KCNQ1: variants seen among roughly 807,000 people sequenced by gnomAD.
KCNQ1 encodes potassium voltage-gated channel subfamily Q member 1.
KCNQ1 carries 49 observed loss-of-function variants against 72.4 expected under a neutral mutation model. That is an observed-to-expected ratio of 0.68 (90% CI 0.54 to 0.86). KCNQ1 has a LOEUF of 0.86. KCNQ1 is among the 40% of genes least tolerant of loss of function. The pLI is 0.00. For missense variants in KCNQ1, 790 were observed against 945.1 expected, an observed-to-expected ratio of 0.84 and a Z score of 2.15; for synonymous variants, 450 against 412.6, an observed-to-expected ratio of 1.09 and a Z score of -1.10.
intron 2 of KCNQ1, 39 bp from the exon 3 acceptor site, chr11:2,570,589 G>C (rs1368420390): frequency 6.2e-7 from 1 of 1,608,958 alleles, no homozygotes; most frequent in Admixed American, 1.7e-5. Context: ...ACTCAAGGCC[G>C]AGCCTGCCTG....
At chr11:2,650,681 T>G (rs1849743276) in intron 10 of KCNQ1, 1 of 398,672 alleles carries the variant, frequency 2.5e-6, no homozygotes, top group Non-Finnish European at 4.4e-6. Context: ...GCCTCTTCTC[T>G]GATTCTGTAT....
rs375688708 is a variant in KCNQ1, at chr11:2,817,396, A to ACCCCCAG, written c.1795-30368_1795-30362dup. Among the ~76,000 whole-genome samples the ACCCCCAG allele has an allele frequency of 3.5e-3, 531 of 151,712 alleles. 1 individual carries two copies. The highest frequency in any genetic ancestry group is 0.012 in the African/African-American group (501 of 41,314). Reference sequence around the variant, plus strand: ...AGGAGAATCACACCAGTGCCCCCTGACCCCCAGCCTTGTGCAGACACTGAT... The same window carrying ACCCCCAG: ...AGGAGAATCACACCAGTGCCCCCTGACCCCCAGCCCCCAGCCTTGTGCAGACACTGAT... On this transcript the variant is annotated intron_variant, in intron 15 of 15. Transcript: ENST00000155840. This position sits in a 1 kb window ranked among gnomAD's most constrained non-coding sequence, Gnocchi z 6.1.
chr11:2,789,637 C>T (rs539050572), intron 15 of KCNQ1, among the ~76,000 whole-genome samples: 25 of 152,318 alleles, frequency 1.6e-4, no homozygotes, highest in African/African-American at 5.3e-4. Context: ...GGGACAGCTG[C>T]GCTCCGGGAT....
chr11:2,518,406 G>C (rs1161513630), intron 1 of KCNQ1, among the ~76,000 whole-genome samples: 1 of 152,214 alleles, frequency 6.6e-6, no homozygotes, highest in African/African-American at 2.4e-5. Flanking sequence ...CCAGGGGAGT[G>C]GGCTGCAGTT....
chr11:2,462,185 T>TTGGGTTCTGGATTGGTGGGTGC lies in KCNQ1; in HGVS notation c.386+16707_386+16728dup. Reference sequence around the variant, plus strand: ...AGCCAGGGAGGAGCCTTCTGGTGGTTTGGGTTCTGGATTGGTGGGTGCTGG... The same window carrying TTGGGTTCTGGATTGGTGGGTGC: ...AGCCAGGGAGGAGCCTTCTGGTGGTTTGGGTTCTGGATTGGTGGGTGCTGGGTTCTGGATTGGTGGGTGCTGG... On this transcript the variant is annotated intron_variant, in intron 1 of 15. Transcript: ENST00000155840. The surrounding 1 kb of genome is among the most constrained non-coding windows in gnomAD (Gnocchi z 8.2). Among the ~76,000 whole-genome samples, 1 of 151,930 alleles carries TTGGGTTCTGGATTGGTGGGTGC rather than the reference T, an allele frequency of 6.6e-6. No individual in the cohort carries two copies. The highest frequency in any genetic ancestry group is 2.4e-5 in the African/African-American group (1 of 41,344).
intron 2 of KCNQ1, among the ~76,000 whole-genome samples, chr11:2,556,409 G>T (rs921749364): frequency 6.6e-6 from 1 of 152,100 alleles, no homozygotes; most frequent in Non-Finnish European, 1.5e-5. Context: ...TTAATCCAAG[G>T]GTCCGTAAAC....
chr11:2,613,015 T>G lies in KCNQ1; in HGVS notation c.1393+24161T>G, dbSNP rs369352207. The G allele has an allele frequency of 6.0e-5, 24 of 398,638 alleles. 1 individual carries two copies. The highest frequency in any genetic ancestry group is 1.6e-4 in the African/African-American group (8 of 48,750). The allele number at this position is 398,638 out of a possible 1,614,324, so 24.7% of individuals were successfully genotyped here. A position where few individuals can be genotyped will look rare whatever the true frequency, so the allele number is the denominator to read the frequency against. ...TCAGTTTTGTTTGTTTTAATTCTTA[T>G]GTTTGTTTTGTAAGCCTGGCTTCAT... On this transcript the variant is annotated intron_variant, in intron 10 of 15. Coordinates refer to ENST00000155840, the MANE Select transcript of KCNQ1 (RefSeq NM_000218.3). The surrounding 1 kb of genome is among the most constrained non-coding windows in gnomAD (Gnocchi z 4.8).
chr11:2,822,770 C>A (rs1847764476), intron 15 of KCNQ1, among the ~76,000 whole-genome samples: 1 of 152,076 alleles, frequency 6.6e-6, no homozygotes, highest in Non-Finnish European at 1.5e-5. Context: ...ACAGGGGGAG[C>A]CCCAAAGGAT....
Position 2,595,050 on chromosome 11 carries a change from A to G in KCNQ1, c.1393+6196A>G, listed in dbSNP as rs1368021047. On this transcript the variant is annotated intron_variant, in intron 10 of 15. Transcript: ENST00000155840. This position sits in a 1 kb window ranked among gnomAD's most constrained non-coding sequence, Gnocchi z 5.0. ...TTGTACAGGGTGACCCAGTGAACCA[A>G]TCCAGGACCTTCATGATCCATGTTT... Among the ~76,000 whole-genome samples, 1 of 152,212 alleles carries G rather than the reference A, an allele frequency of 6.6e-6. No individual in the cohort carries two copies. Among genetic ancestry groups the G allele is most frequent in the African/African-American group, 2.4e-5 (1 of 41,456 alleles).
In KCNQ1 at chr11:2,723,482, G is replaced by A. The variant is rs901420858; in HGVS notation, c.1515-45362G>A. On this transcript the variant is annotated intron_variant, in intron 11 of 15. Coordinates refer to ENST00000155840, the MANE Select transcript of KCNQ1 (RefSeq NM_000218.3). This position sits in a 1 kb window ranked among gnomAD's most constrained non-coding sequence, Gnocchi z 4.2. ...AGGTGGTACTTGGCAGCTGTGGCACGTGGAAGCCCTACACAGGCAGCCCCA... is the reference window on the plus strand; with the variant it reads ...AGGTGGTACTTGGCAGCTGTGGCACATGGAAGCCCTACACAGGCAGCCCCA... Among the ~76,000 whole-genome samples the A allele has an allele frequency of 3.3e-5, 5 of 152,200 alleles. No homozygotes were observed. The highest frequency in any genetic ancestry group is 9.6e-5 in the African/African-American group (4 of 41,466).
chr11:2,680,417 A>G lies in KCNQ1; in HGVS notation c.1514+18336A>G, dbSNP rs1326967128. On this transcript the variant is annotated intron_variant, in intron 11 of 15. Coordinates refer to ENST00000155840, the MANE Select transcript of KCNQ1 (RefSeq NM_000218.3). ...CTTCCATATTTTTTTAGATCTTTGT[A>G]TGGATTTTGGACATTCTAAAATTCA... The G allele has an allele frequency of 1.5e-5, 6 of 398,316 alleles. No individual in the cohort carries two copies. The East Asian group carries it at 2.1e-4, about 14-fold the overall frequency. The allele number at this position is 398,316 out of a possible 1,614,324, so 24.7% of individuals were successfully genotyped here. A position where few individuals can be genotyped will look rare whatever the true frequency, so the allele number is the denominator to read the frequency against.
intron 7 of KCNQ1, 47 bp downstream of exon 7, chr11:2,583,592 G>T (rs974514524): frequency 4.5e-6 from 6 of 1,339,526 alleles, no homozygotes; most frequent in Admixed American, 1.7e-5. Flanking sequence ...GGACAGCTGG[G>T]GTCCTGGGGT....
At position 2,579,820 on chromosome 11, in the gene KCNQ1, G is replaced by A. The variant is rs1001945361; in HGVS notation, c.922-3615G>A. On this transcript the variant is annotated intron_variant, in intron 6 of 15. Coordinates refer to ENST00000155840, the MANE Select transcript of KCNQ1 (RefSeq NM_000218.3). This position sits in a 1 kb window ranked among gnomAD's most constrained non-coding sequence, Gnocchi z 6.0. ...CGTGCACCCAGCTCAGCCCCAGGAG[G>A]TGACACCCCCACCCTCAGCAGCTCT... is the stretch of plus-strand genomic sequence containing the variant. Among the ~76,000 whole-genome samples the A allele has an allele frequency of 6.6e-6, 1 of 152,006 alleles. No homozygotes were observed. Among genetic ancestry groups the A allele is most frequent in the Non-Finnish European group, 1.5e-5 (1 of 67,996 alleles).
rs1005660653 is a variant in KCNQ1 at position 2,462,330 on chromosome 11, C to G, written c.386+16846C>G. ...TCAGAGGCGATGTCTAGGGCCACCC[C>G]CTCTGACTTGCCTCCTCCTCCTTCT... On this transcript the variant is annotated intron_variant, in intron 1 of 15. Coordinates refer to ENST00000155840, the MANE Select transcript of KCNQ1 (RefSeq NM_000218.3). The surrounding 1 kb of genome is among the most constrained non-coding windows in gnomAD (Gnocchi z 8.2). Among the ~76,000 whole-genome samples the G allele has an allele frequency of 6.6e-6, 1 of 152,190 alleles. No homozygotes were observed. Among genetic ancestry groups the G allele is most frequent in the Non-Finnish European group, 1.5e-5 (1 of 68,032 alleles).
chr11:2,814,082 GATGA>G (rs1847553321), intron 15 of KCNQ1, among the ~76,000 whole-genome samples: 1 of 151,388 alleles, frequency 6.6e-6, no homozygotes, highest in Non-Finnish European at 1.5e-5. Flanking sequence ...GAGGTGGATG[GATGA>G]ATGGAGAGAT....
intron 11 of KCNQ1, chr11:2,662,308 G>GA (rs1849974427): frequency 3.3e-6 from 2 of 599,940 alleles, no homozygotes; most frequent in Non-Finnish European, 5.9e-6. Flanking sequence ...TTGACTTATG[G>GA]AAAACCAGAC....
chr11:2,541,965 G>A lies in KCNQ1; in HGVS notation c.477+13947G>A, dbSNP rs983287643. Among the ~76,000 whole-genome samples the A allele has an allele frequency of 3.3e-5, 5 of 152,312 alleles. No individual in the cohort carries two copies. The highest frequency in any genetic ancestry group is 1.9e-4 in the East Asian group (1 of 5,152). ...TGAAAGGCCGGCGCAGAGCTGCACCGTGGGGTCCCCTGGCTTGGGGTGGGC... is the reference window on the plus strand; with the variant it reads ...TGAAAGGCCGGCGCAGAGCTGCACCATGGGGTCCCCTGGCTTGGGGTGGGC... On this transcript the variant is annotated intron_variant, in intron 2 of 15. Transcript: ENST00000155840. The surrounding 1 kb of genome is among the most constrained non-coding windows in gnomAD (Gnocchi z 4.8).
rs939168795 is a variant in KCNQ1 at position 2,549,821 on chromosome 11, G to A, written c.478-20807G>A. Among the ~76,000 whole-genome samples, 4 of 152,094 alleles carry A rather than the reference G, an allele frequency of 2.6e-5. No individual in the cohort carries two copies. The East Asian group carries it at 5.8e-4, about 22-fold the overall frequency. The stretch of plus-strand genomic sequence containing the variant: ...CTATGCGCCTCCTTCCCCATGACTG[G>A]CCCTGGGTGGCGGAGAGACCCCTGG... On this transcript the variant is annotated intron_variant, in intron 2 of 15. Transcript: ENST00000155840. The surrounding 1 kb of genome is among the most constrained non-coding windows in gnomAD (Gnocchi z 6.2).
chr11:2,628,308 G>T, intron 10 of KCNQ1: 1 of 398,490 alleles, frequency 2.5e-6, no homozygotes, highest in South Asian at 1.3e-4. Flanking sequence ...GCTATCTTTT[G>T]ACTTTTTGAT....
Sources: gnomAD v4.1 joint callset for allele counts (sites outside exome capture counted in the v4.1 genomes callset) on GRCh38, gnomAD v4.1.1 for gene constraint, Gnocchi (gnomAD v3.1) non-coding constraint, MANE v1.5 for transcripts, NCBI Gene and HGNC (gene_info 2026-07-23, HGNC 2026-07-21) for gene names.